The following GRM8 variants were observed in gnomAD, a reference collection of about 807,000 sequenced individuals.
GRM8 encodes glutamate metabotropic receptor 8.
In GRM8, 47 loss-of-function variants were observed where a neutral mutation model predicts 87.2. That is an observed-to-expected ratio of 0.54 (90% CI 0.43 to 0.69). The LOEUF is 0.69. Ranked by LOEUF, GRM8 falls within the 30% of genes least tolerant of loss-of-function variation. GRM8 has a pLI of 0.00. For synonymous variants in GRM8, 396 were observed against 404.5 expected (o/e 0.98, Z 0.25); for missense variants, 1,019 against 1,139.2 (o/e 0.89, Z 1.52).
chr7:126,683,482 C>T (rs117692626), intron 7 of GRM8, among the ~76,000 whole-genome samples: 3 of 152,316 alleles, frequency 2.0e-5, no homozygotes, highest in Non-Finnish European at 4.4e-5. Flanking sequence ...CAACTCACAA[C>T]ATAAAGTGCA....
At chr7:127,073,223 A>G (rs4728063) in intron 3 of GRM8, among the ~76,000 whole-genome samples, 40,298 of 152,100 alleles carry the variant, frequency 0.26, 6,063 homozygotes, top group Non-Finnish European at 0.36. Context: ...GCCAGGAAGG[A>G]TCAGCCACAC....
At chr7:126,918,074 C>A (rs1468944511) in intron 3 of GRM8, among the ~76,000 whole-genome samples, 1 of 152,056 alleles carries the variant, frequency 6.6e-6, no homozygotes, top group East Asian at 1.9e-4. Context: ...ACAAATATTA[C>A]AATTTGATGT....
rs148515561 is a variant in GRM8, at chr7:126,799,952, G to A, written c.1157-29887C>T. On this transcript the variant is annotated intron_variant, in intron 6 of 10. Coordinates refer to ENST00000339582, the MANE Select transcript of GRM8 (RefSeq NM_000845.3). Reference sequence around the variant, plus strand: ...GTAATCTCCTCCTTCTCATCCCAAGGAGACTGAAGCCAGGAAAAGGAGCTG... The same window carrying A: ...GTAATCTCCTCCTTCTCATCCCAAGAAGACTGAAGCCAGGAAAAGGAGCTG... Among the ~76,000 whole-genome samples the A allele has an allele frequency of 3.6e-4, 54 of 152,074 alleles. No homozygotes were observed. In the East Asian group the frequency reaches 8.9e-3, roughly 25 times the overall value.
chr7:127,051,728 A>G (rs943566213), intron 3 of GRM8, among the ~76,000 whole-genome samples: 8 of 146,950 alleles, frequency 5.4e-5, no homozygotes, highest in African/African-American at 1.5e-4. Context: ...TCTCAAAAAC[A>G]TAATGTTGAG....
At chr7:127,074,246 G>A (rs764887646) in intron 3 of GRM8, among the ~76,000 whole-genome samples, 2 of 152,170 alleles carry the variant, frequency 1.3e-5, no homozygotes, top group Admixed American at 6.5e-5. Context: ...TGGGGTAGGG[G>A]TGGCTACTGG....
chr7:126,906,486 T>C lies in GRM8; in HGVS notation c.728-1803A>G, dbSNP rs562667008. On this transcript the variant is annotated intron_variant, in intron 3 of 10. Coordinates refer to ENST00000339582, the MANE Select transcript of GRM8 (RefSeq NM_000845.3). The stretch of plus-strand genomic sequence containing the variant: ...CACATGCCACCACACCGCACTGGTC[T>C]CCTATAATAATTTATTATGCATTTC... Among the ~76,000 whole-genome samples the C allele has an allele frequency of 1.8e-4, 28 of 152,254 alleles. No homozygotes were observed. In the South Asian group the frequency reaches 4.2e-3, roughly 23 times the overall value.
At chr7:126,633,250 C>T (rs1801518099) in intron 7 of GRM8, among the ~76,000 whole-genome samples, 1 of 152,148 alleles carries the variant, frequency 6.6e-6, no homozygotes, top group Middle Eastern at 3.4e-3. Flanking sequence ...AGTTCCATTA[C>T]CCTGGTTCTG....
intron 6 of GRM8, among the ~76,000 whole-genome samples, chr7:126,778,777 C>T (rs1012749935): frequency 7.2e-5 from 11 of 152,078 alleles, no homozygotes; most frequent in Non-Finnish European, 1.5e-4. Context: ...CCCCCACCCC[C>T]AATATGTTAC....
At chr7:126,873,100 C>T (rs1799241487) in intron 6 of GRM8, among the ~76,000 whole-genome samples, 1 of 152,092 alleles carries the variant, frequency 6.6e-6, no homozygotes. Flanking sequence ...TTTAAAGATG[C>T]ATTTTTCCTC....
intron 9 of GRM8, among the ~76,000 whole-genome samples, chr7:126,466,559 C>T (rs1031581774): frequency 2.0e-5 from 3 of 151,814 alleles, no homozygotes; most frequent in Admixed American, 6.6e-5. Flanking sequence ...CTGCCACCTG[C>T]AGGCTGGGGA....
chr7:126,891,167 G>T (rs1189804107), intron 6 of GRM8, among the ~76,000 whole-genome samples: 1 of 152,002 alleles, frequency 6.6e-6, no homozygotes, highest in African/African-American at 2.4e-5. Flanking sequence ...CATCATCCAT[G>T]ATTTGTCCTC....
At chr7:126,745,846 A>G (rs1319638151) in intron 7 of GRM8, among the ~76,000 whole-genome samples, 1 of 151,772 alleles carries the variant, frequency 6.6e-6, no homozygotes, top group Non-Finnish European at 1.5e-5. Context: ...CCCTCACAAT[A>G]AAAAGCTATT....
intron 9 of GRM8, among the ~76,000 whole-genome samples, chr7:126,513,655 C>T (rs1309397180): frequency 2.6e-5 from 4 of 152,112 alleles, no homozygotes; most frequent in Admixed American, 2.6e-4. Context: ...TTCATTATCA[C>T]CTCTCTCCTT....
At chr7:127,015,824 A>G (rs1308782096) in intron 3 of GRM8, among the ~76,000 whole-genome samples, 1 of 152,166 alleles carries the variant, frequency 6.6e-6, no homozygotes, top group African/African-American at 2.4e-5. Context: ...TAAAAAAGAA[A>G]TAAGCCCAAC....
intron 2 of GRM8, among the ~76,000 whole-genome samples, chr7:127,113,003 C>T (rs1826471406): frequency 6.6e-6 from 1 of 152,138 alleles, no homozygotes; most frequent in Admixed American, 6.5e-5. Context: ...TACATCTCCC[C>T]CAAACCAACT....
At chr7:126,787,449 G>A (rs2151658977) in intron 6 of GRM8, among the ~76,000 whole-genome samples, 2 of 152,214 alleles carry the variant, frequency 1.3e-5, no homozygotes, top group Middle Eastern at 6.8e-3. Flanking sequence ...AATTAAATAT[G>A]AAAACTCATT....
rs536917426 is a variant in GRM8, at chr7:126,852,785, T to C, written c.1156+49757A>G. Among the ~76,000 whole-genome samples the C allele has an allele frequency of 5.3e-5, 8 of 152,268 alleles. No individual in the cohort carries two copies. The South Asian group carries it at 6.2e-4, about 12-fold the overall frequency. Reference sequence around the variant, plus strand: ...TGTGTGTGTTATATACTTTCATATATTTATATTTATTTCTGTATATTTATT... The same window carrying C: ...TGTGTGTGTTATATACTTTCATATACTTATATTTATTTCTGTATATTTATT... On this transcript the variant is annotated intron_variant, in intron 6 of 10. Transcript: ENST00000339582.
At chr7:127,066,250 T>A (rs759923780) in intron 3 of GRM8, among the ~76,000 whole-genome samples, 1 of 152,174 alleles carries the variant, frequency 6.6e-6, no homozygotes, top group Admixed American at 6.5e-5. Context: ...GAGCAATAGA[T>A]CCATTACTTA....
chr7:126,467,698 A>T (rs1804668272), intron 9 of GRM8, among the ~76,000 whole-genome samples: 1 of 152,086 alleles, frequency 6.6e-6, no homozygotes, highest in African/African-American at 2.4e-5. Context: ...TGCTTAAAAC[A>T]AAATACTTAG....
Sources: gnomAD v4.1 joint callset for allele counts (sites outside exome capture counted in the v4.1 genomes callset) on GRCh38, gnomAD v4.1.1 for gene constraint, MANE v1.5 for transcripts, NCBI Gene and HGNC (gene_info 2026-07-23, HGNC 2026-07-21) for gene names.